The following GDI2 variants were observed in gnomAD, a reference collection of about 807,000 sequenced individuals.
GDI2 encodes GDP dissociation inhibitor 2.
GDI2 carries 22 observed loss-of-function variants against 54.2 expected under a neutral mutation model. That is an observed-to-expected ratio of 0.41 (90% CI 0.29 to 0.58). The LOEUF is 0.58. Among genes scored for constraint, GDI2 ranks in the 20% least tolerant of loss-of-function variants. The pLI is 0.35. For synonymous variants in GDI2, 177 were observed against 182.1 expected, an observed-to-expected ratio of 0.97 and a Z score of 0.23; for missense variants, 422 against 546.0, an observed-to-expected ratio of 0.77 and a Z score of 2.26.
At chr10:5,772,931 T>C (rs1382469531) in intron 7 of GDI2, among the ~76,000 whole-genome samples, 3 of 152,098 alleles carry the variant, frequency 2.0e-5, no homozygotes, top group Admixed American at 6.6e-5. Context: ...CCCTTGTAGA[T>C]GTTTCTTCAT....
intron 6 of GDI2, among the ~76,000 whole-genome samples, chr10:5,777,366 A>G (rs1840648439): frequency 6.6e-6 from 1 of 152,190 alleles, no homozygotes; most frequent in Non-Finnish European, 1.5e-5. Context: ...CCAGCTACTC[A>G]GGAGGCTGAA....
chr10:5,796,828 G>T lies in GDI2; in HGVS notation c.188C>A (p.Pro63His). 6.3e-7 allele frequency: 1 copy of T among 1,587,690 alleles called. No homozygotes were observed. Among genetic ancestry groups the T allele is most frequent in the Middle Eastern group, 1.7e-4 (1 of 5,868 alleles). The change falls in exon 3 of 11, where the codon CCC (proline) becomes CAC (histidine). Residue 63 changes from proline (P) to histidine (H), a missense_variant. Pro to His is a moderately conservative substitution (Grantham distance 77). Transcript: ENST00000380191. ...GTCTCTTCCTCTCCCCATTGACTCG[G>T]GTGGTGATCCTGGTATTTTAAATCT... is the stretch of plus-strand genomic sequence containing the variant. ...YKRFKIPGSP[P>H]ESMGRGRDWN...
intron 4 of GDI2, among the ~76,000 whole-genome samples, chr10:5,787,423 G>A (rs571720795): frequency 2.0e-4 from 30 of 151,834 alleles, no homozygotes; most frequent in African/African-American, 7.3e-4. Context: ...AGAATCGCTT[G>A]ATAAACCCAG....
chr10:5,786,372 T>C lies in GDI2; in HGVS notation c.389-322A>G, dbSNP rs189679332. Among the ~76,000 whole-genome samples, 690 of 152,054 alleles carry C rather than the reference T, an allele frequency of 4.5e-3. 5 individuals are homozygous for C. The highest frequency in any genetic ancestry group is 0.01 in the Middle Eastern group (3 of 294). ...TTTTGGTAGAAACAAGGTTTCACCA[T>C]GTTAGGCTGGTCTCAAACTCCTGAC... On this transcript the variant is annotated intron_variant, in intron 4 of 10. Coordinates refer to ENST00000380191, the MANE Select transcript of GDI2 (RefSeq NM_001494.4).
intron 1 of GDI2, among the ~76,000 whole-genome samples, chr10:5,812,816 C>G (rs748112621): frequency 2.0e-5 from 3 of 152,240 alleles, no homozygotes; most frequent in Non-Finnish European, 4.4e-5. Flanking sequence ...ACCGCGAGGC[C>G]TGCACCGTCC....
chr10:5,813,398 G>C lies in GDI2; in HGVS notation c.-140C>G, dbSNP rs898871177. 1.9e-6 allele frequency: 1 copy of C among 525,924 alleles called. No homozygotes were observed. The highest frequency in any genetic ancestry group is 3.4e-6 in the Non-Finnish European group (1 of 297,152). 32.6% of individuals were successfully genotyped at this position (525,924 alleles called of 1,614,324 possible). On this transcript the variant is annotated 5_prime_UTR_variant, in exon 1 of 11. Transcript: ENST00000380191. ...AGGAAAATGGAGCTGGCGACAAGGC[G>C]AGACCGACCGCCACCTCAGACGGGA...
chr10:5,799,975 T>C (rs114811177), intron 2 of GDI2, among the ~76,000 whole-genome samples: 2,207 of 152,300 alleles, frequency 0.014, 61 homozygotes, highest in African/African-American at 0.049. Context: ...TATTACTGAA[T>C]ATAGAAAAAA....
chr10:5,813,272 C>T lies in GDI2; in HGVS notation c.-14G>A. The T allele has an allele frequency of 6.4e-7, 1 of 1,568,392 alleles. No homozygotes were observed. Among genetic ancestry groups the T allele is most frequent in the African/African-American group, 1.4e-5 (1 of 73,180 alleles). ...CTCCTCATTCATGGCGGGGCAGGCG[C>T]GGACGCAGGACCCGAGCAAGGAAAA... On this transcript the variant is annotated 5_prime_UTR_variant, in exon 1 of 11. Coordinates refer to ENST00000380191, the MANE Select transcript of GDI2 (RefSeq NM_001494.4).
chr10:5,803,590 G>A lies in GDI2; in HGVS notation c.46-2885C>T, dbSNP rs77222355. ...CTCAAGGTCCTGAATTTTTTAGCACGTGAACAGATCCTGAGACTAAAAAGT... is the reference window on the plus strand; with the variant it reads ...CTCAAGGTCCTGAATTTTTTAGCACATGAACAGATCCTGAGACTAAAAAGT... On this transcript the variant is annotated intron_variant, in intron 1 of 10. Transcript: ENST00000380191. Among the ~76,000 whole-genome samples the A allele has an allele frequency of 5.1e-3, 780 of 152,208 alleles. 6 individuals are homozygous for A. The highest frequency in any genetic ancestry group is 8.5e-3 in the Non-Finnish European group (581 of 68,000).
chr10:5,771,028 A>G (rs1588966331), intron 7 of GDI2, among the ~76,000 whole-genome samples: 2 of 151,470 alleles, frequency 1.3e-5, no homozygotes, highest in African/African-American at 4.8e-5. Flanking sequence ...AAAAAAAAAA[A>G]TGGAGGGAAA....
At chr10:5,794,477 C>T (rs1458819311) in intron 4 of GDI2, among the ~76,000 whole-genome samples, 1 of 151,776 alleles carries the variant, frequency 6.6e-6, no homozygotes, top group African/African-American at 2.4e-5. Context: ...AGTTTCATCA[C>T]CTATAAAATG....
chr10:5,798,895 A>C (rs2131712735), intron 2 of GDI2, among the ~76,000 whole-genome samples: 1 of 152,206 alleles, frequency 6.6e-6, no homozygotes, highest in African/African-American at 2.4e-5. Context: ...AATCACTTGA[A>C]CCCAAGAGAT....
At position 5,800,742 on chromosome 10, in the gene GDI2, T is replaced by TATTTAA. The variant is rs1841250520; in HGVS notation, c.46-38_46-37insTTAAAT. On this transcript the variant is annotated intron_variant, in intron 1 of 10. Transcript: ENST00000380191. ...GCATAGTACCTTGAAAAGAAAGTTC[T>TATTTAA]ACAGCATATTTAAAACAGATCATTT... 3.0e-6 allele frequency: 3 copies of TATTTAA among 996,170 alleles called. No individual in the cohort carries two copies. In the Admixed American group the frequency reaches 5.1e-5, roughly 17 times the overall value. 61.7% of individuals were successfully genotyped at this position (996,170 alleles called of 1,614,324 possible).
rs752953954 is a variant in GDI2, at chr10:5,766,474, TATAAA to T, written c.1136+15_1136+19del. The T allele has an allele frequency of 6.2e-6, 10 of 1,612,460 alleles. No individual in the cohort carries two copies. The highest frequency in any genetic ancestry group is 8.5e-6 in the Non-Finnish European group (10 of 1,179,540). On this transcript the variant is annotated intron_variant, in intron 9 of 10. Coordinates refer to ENST00000380191, the MANE Select transcript of GDI2 (RefSeq NM_001494.4). This position sits in a 1 kb window ranked among gnomAD's most constrained non-coding sequence, Gnocchi z 5.8. ...AGGCCTCAGTTTGCATCTCGGCAGATATAAAAGAACACAACTCACTTCTGTTCAAT... is the reference window on the plus strand; with the variant it reads ...AGGCCTCAGTTTGCATCTCGGCAGATAGAACACAACTCACTTCTGTTCAAT...
chr10:5,793,511 G>C (rs1440228270), intron 4 of GDI2, among the ~76,000 whole-genome samples: 2 of 151,948 alleles, frequency 1.3e-5, no homozygotes, highest in Non-Finnish European at 2.9e-5. Context: ...TTACTTTCTG[G>C]CTATGTCTTT....
chr10:5,777,558 C>T (rs548874750), intron 6 of GDI2, among the ~76,000 whole-genome samples: 39 of 152,228 alleles, frequency 2.6e-4, no homozygotes, highest in African/African-American at 9.2e-4. Flanking sequence ...TAGAGAAATA[C>T]AAATCAAAAC....
chr10:5,806,414 A>C lies in GDI2; in HGVS notation c.46-5709T>G, dbSNP rs560122444. Reference sequence around the variant, plus strand: ...TCTACAAAAGAAAATTTAAAAAAAAAAAAACAAAAAAACGTTTACTGATGA... The same window carrying C: ...TCTACAAAAGAAAATTTAAAAAAAACAAAACAAAAAAACGTTTACTGATGA... On this transcript the variant is annotated intron_variant, in intron 1 of 10. Coordinates refer to ENST00000380191, the MANE Select transcript of GDI2 (RefSeq NM_001494.4). Among the ~76,000 whole-genome samples, 16 of 151,584 alleles carry C rather than the reference A, an allele frequency of 1.1e-4. 1 individual carries two copies. The South Asian group carries it at 1.9e-3, about 18-fold the overall frequency.
chr10:5,804,884 A>T (rs760863026), intron 1 of GDI2, among the ~76,000 whole-genome samples: 35 of 151,090 alleles, frequency 2.3e-4, no homozygotes, highest in Non-Finnish European at 4.1e-4. Context: ...CCCAGGCTGG[A>T]GTGCAATGGC....
intron 1 of GDI2, among the ~76,000 whole-genome samples, chr10:5,808,972 C>T (rs1054216073): frequency 5.9e-5 from 9 of 152,162 alleles, no homozygotes; most frequent in South Asian, 2.1e-4. Context: ...CAGCCAGGCG[C>T]GGTGGCTCAT....
Sources: allele counts gnomAD v4.1 joint callset (sites outside exome capture counted in the v4.1 genomes callset), GRCh38; gene constraint gnomAD v4.1.1; non-coding constraint Gnocchi (gnomAD v3.1); transcripts MANE v1.5; gene names NCBI Gene and HGNC (gene_info 2026-07-23, HGNC 2026-07-21).